The following C12orf42 variants were observed in gnomAD, a reference collection of about 807,000 sequenced individuals.
C12orf42 encodes the protein uncharacterized protein C12orf42.
Under a neutral mutation model 21.6 loss-of-function variants are expected in C12orf42, and 25 were observed. That is an observed-to-expected ratio of 1.16 (90% CI 0.84 to 1.62). C12orf42 has a LOEUF of 1.62. C12orf42 is among the 40% of genes most tolerant of loss of function. The probability of loss-of-function intolerance (pLI) is 0.00; values close to 1 mark genes in which losing one functional copy is unlikely to be tolerated. For missense variants in C12orf42, 483 were observed against 459.3 expected (o/e 1.05, Z -0.47); for synonymous variants, 174 against 175.0 (o/e 0.99, Z 0.05).
At chr12:103,170,132 C>A in the C12orf42 span, among the ~76,000 whole-genome samples, 2 of 152,140 alleles carry the variant, frequency 1.3e-5, no homozygotes, top group Non-Finnish European at 2.9e-5. Context: ...GCCTTTGAGT[C>A]TCCTTTGCTG....
chr12:103,467,823 T>C (rs1953267013), intron 2 of C12orf42, among the ~76,000 whole-genome samples: 1 of 152,198 alleles, frequency 6.6e-6, no homozygotes, highest in Non-Finnish European at 1.5e-5. Flanking sequence ...AAAACCAAAC[T>C]TCTTTGTATT....
chr12:103,485,866 C>G (rs574332725), intron 1 of C12orf42, among the ~76,000 whole-genome samples: 1 of 152,050 alleles, frequency 6.6e-6, no homozygotes, highest in Non-Finnish European at 1.5e-5. Flanking sequence ...CTTAAGGAGA[C>G]TTGGGGCTGA....
chr12:103,146,612 A>AAAG, the C12orf42 span, among the ~76,000 whole-genome samples: 20 of 116,866 alleles, frequency 1.7e-4, no homozygotes, highest in Admixed American at 4.0e-4. Flanking sequence ...AAGAAAGAAA[A>AAAG]AGAAAAGTAA....
the C12orf42 span, among the ~76,000 whole-genome samples, chr12:103,188,461 T>C: frequency 4.6e-5 from 7 of 152,272 alleles, no homozygotes; most frequent in East Asian, 1.9e-4. Flanking sequence ...GATGTGAGGA[T>C]TGGAACCACA....
chr12:103,150,853 C>A, the C12orf42 span, among the ~76,000 whole-genome samples: 3 of 152,200 alleles, frequency 2.0e-5, no homozygotes, highest in Non-Finnish European at 4.4e-5. Context: ...TTTTCATCAT[C>A]ACCATTTTGC....
intron 2 of C12orf42, among the ~76,000 whole-genome samples, chr12:103,424,126 A>T (rs1353638587): frequency 6.6e-6 from 1 of 152,268 alleles, no homozygotes; most frequent in African/African-American, 2.4e-5. Flanking sequence ...GCAGAAGTGA[A>T]GCCTTTGAGC....
chr12:103,458,427 G>T (rs776021783), intron 2 of C12orf42, among the ~76,000 whole-genome samples: 1 of 152,100 alleles, frequency 6.6e-6, no homozygotes, highest in Non-Finnish European at 1.5e-5. Context: ...TAGGATAGGC[G>T]AAACTAGATC....
At chr12:103,156,195 TGAC>T in the C12orf42 span, 1 of 152,284 alleles carries the variant, frequency 6.6e-6, no homozygotes, top group South Asian at 2.1e-4. Context: ...CAGTTTCTCT[TGAC>T]ATTTAAAAAT....
intron 10 of C12orf42, among the ~76,000 whole-genome samples, chr12:103,253,872 T>C (rs1215144605): frequency 1.3e-5 from 2 of 151,996 alleles, no homozygotes; most frequent in Non-Finnish European, 2.9e-5. Context: ...ACATTCTAGA[T>C]GTTAGGCCTT....
intron 2 of C12orf42, among the ~76,000 whole-genome samples, chr12:103,434,358 TCA>T (rs1209946301): frequency 6.6e-6 from 1 of 152,080 alleles, no homozygotes; most frequent in African/African-American, 2.4e-5. Context: ...TTATATAAAC[TCA>T]CAGATTATTT....
chr12:103,118,069 C>CTAG, the C12orf42 span, among the ~76,000 whole-genome samples: 1 of 152,086 alleles, frequency 6.6e-6, no homozygotes, highest in African/African-American at 2.4e-5. Flanking sequence ...ATTTATAATC[C>CTAG]TAATAAGTAA....
intron 4 of C12orf42, among the ~76,000 whole-genome samples, chr12:103,321,578 C>T (rs1297233519): frequency 4.5e-4 from 64 of 143,452 alleles, no homozygotes; most frequent in South Asian, 1.7e-3. Flanking sequence ...ATGTTTATTG[C>T]GGCACTATTC....
intron 10 of C12orf42, among the ~76,000 whole-genome samples, chr12:103,260,167 A>C (rs1218257351): frequency 1.3e-5 from 2 of 152,226 alleles, no homozygotes; most frequent in Non-Finnish European, 2.9e-5. Flanking sequence ...TCTTTATAAA[A>C]TAAATTGGCT....
chr12:103,229,104 A>T, the C12orf42 span, among the ~76,000 whole-genome samples: 2 of 152,160 alleles, frequency 1.3e-5, no homozygotes, highest in Non-Finnish European at 2.9e-5. Flanking sequence ...CATCACTTCA[A>T]GCAGATACCC....
At chr12:103,534,141 A>T in the C12orf42 span, among the ~76,000 whole-genome samples, 2 of 152,232 alleles carry the variant, frequency 1.3e-5, no homozygotes, top group Admixed American at 6.5e-5. Flanking sequence ...TTGAACTTAC[A>T]TTCTTGTGGG....
At chr12:103,251,484 T>A (rs536065288) in intron 10 of C12orf42, among the ~76,000 whole-genome samples, 10 of 152,304 alleles carry the variant, frequency 6.6e-5, no homozygotes, top group African/African-American at 2.2e-4. Context: ...GAACCCTGAC[T>A]GAAAATTGCA....
chr12:103,197,381 C>G, the C12orf42 span, among the ~76,000 whole-genome samples: 1 of 152,118 alleles, frequency 6.6e-6, no homozygotes, highest in Non-Finnish European at 1.5e-5. Flanking sequence ...TTGTGAAATA[C>G]TTGTAGTGAG....
At chr12:103,434,883 C>G (rs1950560391) in intron 2 of C12orf42, among the ~76,000 whole-genome samples, 6 of 152,374 alleles carry the variant, frequency 3.9e-5, no homozygotes, top group Admixed American at 1.3e-4. Flanking sequence ...GAAGCTCGAA[C>G]TGGGTGGAGC....
chr12:103,122,427 A>T, the C12orf42 span, among the ~76,000 whole-genome samples: 1 of 152,186 alleles, frequency 6.6e-6, no homozygotes, highest in Non-Finnish European at 1.5e-5. Context: ...ACAAATATTT[A>T]TTAAGTATCT....
Sources: allele counts gnomAD v4.1 joint callset (sites outside exome capture counted in the v4.1 genomes callset), GRCh38; gene constraint gnomAD v4.1.1; transcripts MANE v1.5; gene names NCBI Gene and HGNC (gene_info 2026-07-23, HGNC 2026-07-21).